LAMC3: variants seen among roughly 807,000 people sequenced by gnomAD.
The protein encoded by LAMC3 is laminin subunit gamma 3.
Under a neutral mutation model 173.8 loss-of-function variants are expected in LAMC3, and 128 were observed. The observed-to-expected ratio is 0.74, with a 90% CI of 0.64 to 0.85. The LOEUF is 0.85. Among genes scored for constraint, LAMC3 ranks in the 40% least tolerant of loss-of-function variants. The pLI, the probability that LAMC3 is intolerant of heterozygous loss-of-function variation, is 0.00. For missense variants in LAMC3, 2,022 were observed against 2,156.0 expected (o/e 0.94, Z 1.23); for synonymous variants, 897 against 909.1 (o/e 0.99, Z 0.24).
intron 1 of LAMC3, among the ~76,000 whole-genome samples, chr9:131,017,630 G>A (rs191377486): frequency 3.3e-5 from 5 of 151,270 alleles, no homozygotes; most frequent in Admixed American, 3.3e-4. Context: ...GGAGGCTGAG[G>A]CAGGAGAATC....
At chr9:131,081,448 T>G (rs1356777634) in intron 23 of LAMC3, among the ~76,000 whole-genome samples, 1 of 96,950 alleles carries the variant, frequency 1.0e-5, no homozygotes, top group African/African-American at 3.9e-5. Flanking sequence ...CCTCCCTCCC[T>G]CCCTCCCTCC....
chr9:131,025,248 G>T (rs1333014899), intron 1 of LAMC3, among the ~76,000 whole-genome samples: 3 of 152,094 alleles, frequency 2.0e-5, no homozygotes, highest in African/African-American at 7.2e-5. Context: ...GCCATGTCAG[G>T]GTTTTTCTCT....
intron 8 of LAMC3, among the ~76,000 whole-genome samples, chr9:131,048,486 C>G (rs1195880070): frequency 6.6e-6 from 1 of 152,188 alleles, no homozygotes; most frequent in African/African-American, 2.4e-5. Context: ...GCCTCTGCCT[C>G]ATTGCCCGCT....
intron 12 of LAMC3, among the ~76,000 whole-genome samples, chr9:131,059,901 C>G (rs1328271180): frequency 1.3e-5 from 2 of 152,232 alleles, no homozygotes; most frequent in Non-Finnish European, 2.9e-5. Context: ...CGACCTGGTT[C>G]TCACTCTTCC....
In LAMC3 at chr9:131,009,178, G is replaced by C. The variant is rs1440700925; in HGVS notation, c.-37G>C. 22 of 1,172,456 alleles carry C rather than the reference G, an allele frequency of 1.9e-5. No individual in the cohort carries two copies. The highest frequency in any genetic ancestry group is 9.3e-5 in the Admixed American group (2 of 21,546). 72.6% of individuals were successfully genotyped at this position (1,172,456 alleles called of 1,614,324 possible). A position where few individuals can be genotyped will look rare whatever the true frequency, so the allele number is the denominator to read the frequency against. ...CGGTCCGCGCCCACCCTAGCCGAGC[G>C]GGGCCGGCAGAGCGCGCGGCGTCGG... On this transcript the variant is annotated 5_prime_UTR_variant, in exon 1 of 28. Transcript: ENST00000361069. This position sits in a 1 kb window ranked among gnomAD's most constrained non-coding sequence, Gnocchi z 4.3.
chr9:131,027,465 GCT>G (rs946954139), intron 2 of LAMC3, among the ~76,000 whole-genome samples: 1 of 152,162 alleles, frequency 6.6e-6, no homozygotes, highest in African/African-American at 2.4e-5. Context: ...TGGGTCCCAC[GCT>G]GTAAGTCCGT....
intron 6 of LAMC3, among the ~76,000 whole-genome samples, chr9:131,039,830 G>A (rs925832031): frequency 1.4e-4 from 21 of 152,118 alleles, no homozygotes; most frequent in African/African-American, 4.8e-4. Context: ...CGGGGTGGGA[G>A]AGGCTGAGTG....
intron 17 of LAMC3, 59 bp from the exon 18 acceptor site, chr9:131,071,425 G>A (rs994594625): frequency 1.9e-6 from 3 of 1,597,918 alleles, no homozygotes; most frequent in Non-Finnish European, 1.7e-6. Context: ...CAGCGGGAGT[G>A]TCTGGGCAGG....
At chr9:131,012,634 G>A (rs1421519637) in intron 1 of LAMC3, among the ~76,000 whole-genome samples, 12 of 152,370 alleles carry the variant, frequency 7.9e-5, no homozygotes, top group Admixed American at 3.3e-4. Flanking sequence ...TCCAGGCTAA[G>A]CCATGGCTTG....
intron 17 of LAMC3, 112 bp from the exon 18 acceptor site, chr9:131,071,372 A>C (rs889991752): frequency 7.8e-7 from 1 of 1,280,634 alleles, no homozygotes; most frequent in South Asian, 1.3e-5. Context: ...CCAGGGGAGG[A>C]TTTGGAGAAG....
chr9:131,046,086 G>A (rs1314765675), intron 8 of LAMC3, among the ~76,000 whole-genome samples: 1 of 151,200 alleles, frequency 6.6e-6, no homozygotes, highest in Admixed American at 6.6e-5. Flanking sequence ...CCCTTTCAAT[G>A]ATGAAGTAAC....
intron 15 of LAMC3, 137 bp downstream of exon 15, chr9:131,068,368 A>C: frequency 1.2e-6 from 1 of 842,138 alleles, no homozygotes; most frequent in Non-Finnish European, 1.8e-6. Context: ...CCTTTGCCGA[A>C]GGGGAGCAAA....
intron 18 of LAMC3, among the ~76,000 whole-genome samples, chr9:131,072,329 T>G (rs1371058512): frequency 6.6e-6 from 1 of 152,152 alleles, no homozygotes; most frequent in Non-Finnish European, 1.5e-5. Flanking sequence ...TGAGCCACAT[T>G]GTGAATCAGA....
chr9:131,072,922 G>A, intron 19 of LAMC3, 87 bp downstream of exon 19: 1 of 1,261,398 alleles, frequency 7.9e-7, no homozygotes, highest in South Asian at 1.3e-5. Flanking sequence ...GTGACCTTGG[G>A]TATGACTCCC....
chr9:131,073,781 G>GC (rs1268969052), intron 20 of LAMC3, among the ~76,000 whole-genome samples: 1 of 151,898 alleles, frequency 6.6e-6, no homozygotes, highest in African/African-American at 2.4e-5. Flanking sequence ...TCTGCCATCA[G>GC]CCCCCGTTTC....
intron 3 of LAMC3, among the ~76,000 whole-genome samples, chr9:131,034,290 C>A (rs1313818445): frequency 6.6e-6 from 1 of 152,218 alleles, no homozygotes; most frequent in East Asian, 1.9e-4. Flanking sequence ...TCCCTTGTGA[C>A]TTCCCTGGTG....
At chr9:131,071,127 G>A (rs1341580113) in intron 17 of LAMC3, among the ~76,000 whole-genome samples, 1 of 152,220 alleles carries the variant, frequency 6.6e-6, no homozygotes, top group East Asian at 1.9e-4. Flanking sequence ...AGCACATTCA[G>A]CCAGTGTCCA....
intron 7 of LAMC3, among the ~76,000 whole-genome samples, chr9:131,043,708 AGAAAT>A (rs1834097289): frequency 6.6e-6 from 1 of 152,278 alleles, no homozygotes; most frequent in Admixed American, 6.5e-5. Flanking sequence ...TAATGAATGT[AGAAAT>A]GAAGGAACTG....
intron 6 of LAMC3, among the ~76,000 whole-genome samples, chr9:131,040,595 G>T (rs1834031562): frequency 6.6e-6 from 1 of 152,124 alleles, no homozygotes; most frequent in African/African-American, 2.4e-5. Context: ...AAAATATTTG[G>T]TGGTTCTGGG....
Sources: allele counts gnomAD v4.1 joint callset (sites outside exome capture counted in the v4.1 genomes callset), GRCh38; gene constraint gnomAD v4.1.1; non-coding constraint Gnocchi (gnomAD v3.1); transcripts MANE v1.5; gene names NCBI Gene and HGNC (gene_info 2026-07-23, HGNC 2026-07-21).